RNPC3: variants seen among roughly 807,000 people sequenced by gnomAD.
RNPC3 encodes the protein RNA binding region (RNP1, RRM) containing 3.
Under a neutral mutation model 67.5 loss-of-function variants are expected in RNPC3, and 48 were observed. The ratio of observed to expected loss-of-function variants is 0.71; its 90% confidence interval spans 0.56 to 0.90. RNPC3 has a LOEUF of 0.90. RNPC3 is among the 40% of genes least tolerant of loss of function. RNPC3 has a pLI of 0.00. For missense variants in RNPC3, 637 were observed against 626.1 expected, an observed-to-expected ratio of 1.02 and a Z score of -0.19; for synonymous variants, 239 against 210.3, an observed-to-expected ratio of 1.14 and a Z score of -1.18.
chr1:103,534,181 C>G (rs1048640294), intron 3 of RNPC3, among the ~76,000 whole-genome samples: 1 of 151,950 alleles, frequency 6.6e-6, no homozygotes, highest in African/African-American at 2.4e-5. Flanking sequence ...GTCATGAAAT[C>G]AAGACTGGCA....
At chr1:103,550,509 C>T (rs538343853) in intron 12 of RNPC3, among the ~76,000 whole-genome samples, 10 of 151,730 alleles carry the variant, frequency 6.6e-5, no homozygotes, top group Admixed American at 2.6e-4. Context: ...GGCGTGGTGG[C>T]GGACACCTGG....
Position 103,527,736 on chromosome 1 carries a change from T to TA in RNPC3, c.235dup (p.Ile79AsnfsTer20). The TA allele has an allele frequency of 6.5e-7, 1 of 1,546,456 alleles. No individual in the cohort carries two copies. Among genetic ancestry groups the TA allele is most frequent in the Non-Finnish European group, 8.8e-7 (1 of 1,142,770 alleles). On this transcript the variant is annotated frameshift_variant, in exon 2 of 15. Coordinates refer to ENST00000423855, the MANE Select transcript of RNPC3 (RefSeq NM_017619.4). LOFTEE classifies it high-confidence loss of function. ...CCACATTCCCTAATGAAAAAGCAGC[T>TA]ATAAAGGTATGACTTTTTCTTGACG...
intron 13 of RNPC3, 76 bp from the exon 14 acceptor site, chr1:103,551,645 C>A: frequency 1.1e-6 from 1 of 906,020 alleles, no homozygotes; most frequent in Non-Finnish European, 1.7e-6. Flanking sequence ...CCACCATACA[C>A]TAGAAAGTTT....
intron 11 of RNPC3, 55 bp from the exon 12 acceptor site, chr1:103,546,919 TTTA>T: frequency 4.7e-6 from 4 of 847,206 alleles, no homozygotes; most frequent in Non-Finnish European, 7.4e-6. Flanking sequence ...TATTTATTTA[TTTA>T]TTAAGTTTTT....
At chr1:103,544,641 A>G (rs543599264) in intron 9 of RNPC3, among the ~76,000 whole-genome samples, 32 of 151,942 alleles carry the variant, frequency 2.1e-4, no homozygotes, top group Middle Eastern at 6.8e-3. Context: ...CCTATCTTGG[A>G]TGGTGAGTGA....
chr1:103,526,257 C>A lies in RNPC3; in HGVS notation c.187C>A (p.Arg63=). The change falls in exon 1 of 15, where the codon CGA becomes AGA. Residue 63 remains arginine (R), a synonymous_variant. Coordinates refer to ENST00000423855, the MANE Select transcript of RNPC3 (RefSeq NM_017619.4). ...TGTGCGGGTCCTGTCAGATAAGGGG[C>A]GACTGGTAAGGGCGCGCCCCTCCGG... The part of the protein sequence containing the change: ...QSVRVLSDKG[R]LKHTAFATFP... The A allele has an allele frequency of 1.3e-6, 2 of 1,537,938 alleles. No individual in the cohort carries two copies. Among genetic ancestry groups the A allele is most frequent in the Non-Finnish European group, 8.8e-7 (1 of 1,138,836 alleles).
At chr1:103,535,884 C>T (rs1287438002) in intron 5 of RNPC3, among the ~76,000 whole-genome samples, 1 of 151,838 alleles carries the variant, frequency 6.6e-6, no homozygotes, top group Admixed American at 6.6e-5. Context: ...TTTTATATTG[C>T]AAGAACGTTA....
At chr1:103,527,046 AATT>A (rs1650734888) in intron 1 of RNPC3, among the ~76,000 whole-genome samples, 1 of 152,172 alleles carries the variant, frequency 6.6e-6, no homozygotes, top group African/African-American at 2.4e-5. Flanking sequence ...TATATGGCTC[AATT>A]TAAGTACATC....
At chr1:103,529,602 A>T (rs1428403791) in intron 2 of RNPC3, among the ~76,000 whole-genome samples, 3 of 152,250 alleles carry the variant, frequency 2.0e-5, no homozygotes, top group Admixed American at 2.0e-4. Context: ...AACATATGTG[A>T]TACCCATTTG....
At chr1:103,540,707 T>C (rs1012357359) in intron 7 of RNPC3, among the ~76,000 whole-genome samples, 8 of 152,090 alleles carry the variant, frequency 5.3e-5, no homozygotes, top group African/African-American at 1.9e-4. Context: ...GGACTAGCGG[T>C]TTCCAAGTTC....
chr1:103,551,603 A>T, intron 13 of RNPC3, 118 bp from the exon 14 acceptor site: 1 of 610,808 alleles, frequency 1.6e-6, no homozygotes, highest in Non-Finnish European at 2.9e-6. Flanking sequence ...GAGAGGCAGG[A>T]GGCACTCAAG....
At chr1:103,527,462 G>T (rs1300981479) in intron 1 of RNPC3, among the ~76,000 whole-genome samples, 2 of 152,212 alleles carry the variant, frequency 1.3e-5, no homozygotes, top group Non-Finnish European at 2.9e-5. Context: ...ATTTGCATGT[G>T]TAAAACGTGT....
intron 12 of RNPC3, among the ~76,000 whole-genome samples, chr1:103,547,337 A>G (rs1048058492): frequency 6.6e-6 from 1 of 152,232 alleles, no homozygotes; most frequent in Admixed American, 6.5e-5. Flanking sequence ...ATGAATATTC[A>G]TGGCTGTGTT....
At position 103,525,911 on chromosome 1, in the gene RNPC3, G is replaced by T. The variant is rs1650689402; in HGVS notation, c.-160G>T. The T allele has an allele frequency of 8.0e-6, 5 of 622,280 alleles. No individual in the cohort carries two copies. In the South Asian group the frequency reaches 1.0e-4, roughly 13 times the overall value. The allele number at this position is 622,280 out of a possible 1,614,324, so 38.5% of individuals were successfully genotyped here. On this transcript the variant is annotated 5_prime_UTR_variant, in exon 1 of 15. Coordinates refer to ENST00000423855, the MANE Select transcript of RNPC3 (RefSeq NM_017619.4). Reference sequence around the variant, plus strand: ...CTTCGAAGGGTTGCCGCTTTTCGGTGGCGCAGTTCTCGCGAGAAGGTGACT... The same window carrying T: ...CTTCGAAGGGTTGCCGCTTTTCGGTTGCGCAGTTCTCGCGAGAAGGTGACT...
Position 103,526,114 on chromosome 1 carries a change from C to T in RNPC3, c.44C>T (p.Thr15Met). The T allele has an allele frequency of 6.4e-7, 1 of 1,550,764 alleles. No homozygotes were observed. Among genetic ancestry groups the T allele is most frequent in the Non-Finnish European group, 8.7e-7 (1 of 1,146,448 alleles). Reference protein sequence around the residue: ...EQPLAISRGCTSSSSLSPPRG... With the variant: ...EQPLAISRGCMSSSSLSPPRG... ...CCGCTTGCGATATCAAGGGGATGCA[C>T]GAGCTCCTCCTCGCTTTCCCCGCCT... is the stretch of plus-strand genomic sequence containing the variant. The change falls in exon 1 of 15, where the codon ACG becomes ATG. Residue 15 changes from threonine to methionine, a missense_variant. Transcript: ENST00000423855.
chr1:103,528,493 G>C (rs1650768597), intron 2 of RNPC3, among the ~76,000 whole-genome samples: 1 of 152,130 alleles, frequency 6.6e-6, no homozygotes, highest in Non-Finnish European at 1.5e-5. Flanking sequence ...AATAGAGATT[G>C]AGTTTGTAGG....
chr1:103,544,868 T>C, intron 9 of RNPC3, 73 bp from the exon 10 acceptor site: 1 of 856,866 alleles, frequency 1.2e-6, no homozygotes, highest in Non-Finnish European at 1.7e-6. Flanking sequence ...GAATATAAAA[T>C]AGGAGGTGGG....
At position 103,543,308 on chromosome 1, in the gene RNPC3, A is replaced by G; in HGVS notation, c.906A>G (p.Pro302=). The G allele has an allele frequency of 6.9e-7, 1 of 1,451,988 alleles. No individual in the cohort carries two copies. The highest frequency in any genetic ancestry group is 9.0e-7 in the Non-Finnish European group (1 of 1,110,146). 89.9% of individuals were successfully genotyped at this position (1,451,988 alleles called of 1,614,324 possible). A position where few individuals can be genotyped will look rare whatever the true frequency, so the allele number is the denominator to read the frequency against. ...PLCPSHSSLH[P]VLLPSDVFDQ... ...TGTTTTTAAATAGCAGTTTACATCC[A>G]GTGCTGTTACCTTCAGATGTATTTG... Residue 302 remains proline, a synonymous_variant, in exon 9 of 15, where the codon CCA becomes CCG. Transcript: ENST00000423855.
intron 4 of RNPC3, 107 bp from the exon 5 acceptor site, chr1:103,535,223 T>C (rs1650951201): frequency 1.5e-6 from 1 of 656,384 alleles, no homozygotes; most frequent in Non-Finnish European, 2.6e-6. Flanking sequence ...GTAAATCTAA[T>C]AGTACTGTAT....
Sources: allele counts gnomAD v4.1 joint callset (sites outside exome capture counted in the v4.1 genomes callset), GRCh38; gene constraint gnomAD v4.1.1; transcripts MANE v1.5; gene names NCBI Gene and HGNC (gene_info 2026-07-23, HGNC 2026-07-21).